Variants in CD164L2 observed in about 807,000 individuals in gnomAD.
CD164L2 encodes CD164 sialomucin-like 2 protein.
Under a neutral mutation model 23.9 loss-of-function variants are expected in CD164L2, and 21 were observed. The observed-to-expected ratio is 0.88, with a 90% CI of 0.62 to 1.27. The LOEUF is 1.27. Among genes scored for constraint, CD164L2 ranks in the 50% most tolerant of loss-of-function variants. The pLI, the probability that CD164L2 is intolerant of heterozygous loss-of-function variation, is 0.00. For synonymous variants in CD164L2, 92 were observed against 90.2 expected (o/e 1.02, Z -0.11); for missense variants, 230 against 224.8 (o/e 1.02, Z -0.15).
At position 27,379,419 on chromosome 1, in the gene CD164L2, G is replaced by GC; in HGVS notation, c.*83dup. On this transcript the variant is annotated 3_prime_UTR_variant, in exon 6 of 6. Transcript: ENST00000374030. ...GGCGGCCAGAGTTTTTCCCGCCCCCGCCCCCCGCTTACCCACAAGGGTGCC... is the reference window on the plus strand; with the variant it reads ...GGCGGCCAGAGTTTTTCCCGCCCCCGCCCCCCCGCTTACCCACAAGGGTGCC... The GC allele has an allele frequency of 4.9e-6, 2 of 410,706 alleles. No homozygotes were observed. Among genetic ancestry groups the GC allele is most frequent in the Non-Finnish European group, 4.7e-6 (1 of 213,218 alleles). The allele number at this position is 410,706 out of a possible 1,614,324, so 25.4% of individuals were successfully genotyped here. A position where few individuals can be genotyped will look rare whatever the true frequency, so the allele number is the denominator to read the frequency against.
intron 3 of CD164L2, 159 bp from the exon 4 acceptor site, chr1:27,381,983 CA>C: frequency 7.4e-7 from 1 of 1,355,470 alleles, no homozygotes; most frequent in Non-Finnish European, 1.0e-6. Flanking sequence ...TTCCCTCCAC[CA>C]GATGTGCTCT....
At position 27,383,020 on chromosome 1, in the gene CD164L2, C is replaced by T. The variant is rs957742556; in HGVS notation, c.88+132G>A. The T allele has an allele frequency of 8.3e-6, 6 of 720,154 alleles. No homozygotes were observed. The African/African-American group carries it at 1.1e-4, about 13-fold the overall frequency. The allele number at this position is 720,154 out of a possible 1,614,324, so 44.6% of individuals were successfully genotyped here. On this transcript the variant is annotated intron_variant, in intron 1 of 5. Transcript: ENST00000374030. Reference sequence around the variant, plus strand: ...CACAGAGCTGGAGCCCCCTCTCCCACCCCTGGAGGCCTGCACTTGGCCGGA... The same window carrying T: ...CACAGAGCTGGAGCCCCCTCTCCCATCCCTGGAGGCCTGCACTTGGCCGGA...
chr1:27,380,580 CACAAT>C (rs983707371), intron 4 of CD164L2, among the ~76,000 whole-genome samples: 1 of 152,218 alleles, frequency 6.6e-6, no homozygotes, highest in African/African-American at 2.4e-5. Flanking sequence ...CTCCCCTGCT[CACAAT>C]TCCTTTCAGC....
chr1:27,383,224 G>A lies in CD164L2; in HGVS notation c.16C>T (p.Pro6Ser), dbSNP rs2016376052. 6 of 1,545,392 alleles carry A rather than the reference G, an allele frequency of 3.9e-6. No homozygotes were observed. The South Asian group carries it at 6.0e-5, about 15-fold the overall frequency. ...CAGAGCGCAGTCCGCAAGGCGCGGGGTCCCGGAGCCTCCATGGGCTCGCGG... is the reference window on the plus strand; with the variant it reads ...CAGAGCGCAGTCCGCAAGGCGCGGGATCCCGGAGCCTCCATGGGCTCGCGG... MEAPGPRALRTALCGG... is the reference protein window; with the variant it reads MEAPGSRALRTALCGG... Residue 6 changes from proline (P) to serine (S), a missense_variant, in exon 1 of 6, where the codon CCC becomes TCC. Coordinates refer to ENST00000374030, the MANE Select transcript of CD164L2 (RefSeq NM_001330448.1).
Position 27,379,359 on chromosome 1 carries a change from C to G in CD164L2, c.*144G>C. The G allele has an allele frequency of 1.4e-6, 1 of 728,460 alleles. No individual in the cohort carries two copies. Among genetic ancestry groups the G allele is most frequent in the African/African-American group, 1.7e-5 (1 of 57,198 alleles). 45.1% of individuals were successfully genotyped at this position (728,460 alleles called of 1,614,324 possible). A position where few individuals can be genotyped will look rare whatever the true frequency, so the allele number is the denominator to read the frequency against. On this transcript the variant is annotated 3_prime_UTR_variant, in exon 6 of 6. Transcript: ENST00000374030. ...AGGAGGAGATGTCAGGCATCAGACACTGAGCCTGCTTGGTGCCCGCAGGAG... is the reference window on the plus strand; with the variant it reads ...AGGAGGAGATGTCAGGCATCAGACAGTGAGCCTGCTTGGTGCCCGCAGGAG...
Position 27,379,386 on chromosome 1 carries a change from CA to C in CD164L2, c.*116del. ...GAGCCTGCTTGGTGCCCGCAGGAGC[CA>C]AAAACTGGCGGCCAGAGTTTTTCCC... On this transcript the variant is annotated 3_prime_UTR_variant, in exon 6 of 6. Coordinates refer to ENST00000374030, the MANE Select transcript of CD164L2 (RefSeq NM_001330448.1). The C allele has an allele frequency of 1.3e-5, 13 of 1,015,958 alleles. No homozygotes were observed. Among genetic ancestry groups the C allele is most frequent in the East Asian group, 2.6e-5 (1 of 38,126 alleles). 62.9% of individuals were successfully genotyped at this position (1,015,958 alleles called of 1,614,324 possible).
rs2016354085 is a variant in CD164L2 at position 27,382,441 on chromosome 1, C to T, written c.257-42G>A. On this transcript the variant is annotated intron_variant, in intron 2 of 5. Transcript: ENST00000374030. ...CAGGGGGGAGGTTTGGGGAGAGGGG[C>T]CAGGGCCTTGGGGTTCAGAGCTGGG... 1.9e-6 allele frequency: 3 copies of T among 1,586,016 alleles called. No individual in the cohort carries two copies. The East Asian group carries it at 6.8e-5, about 36-fold the overall frequency.
intron 4 of CD164L2, among the ~76,000 whole-genome samples, chr1:27,380,539 A>T (rs1270866359): frequency 1.3e-5 from 2 of 152,194 alleles, no homozygotes; most frequent in East Asian, 3.8e-4. Flanking sequence ...CACCAGCCCA[A>T]TAGGGTGAAG....
Sources: gnomAD v4.1 joint callset for allele counts (sites outside exome capture counted in the v4.1 genomes callset) on GRCh38, gnomAD v4.1.1 for gene constraint, MANE v1.5 for transcripts, NCBI Gene and HGNC (gene_info 2026-07-23, HGNC 2026-07-21) for gene names.